Variants in RAF1 observed in about 807,000 individuals in gnomAD.
The protein encoded by RAF1 is RAF proto-oncogene serine/threonine-protein kinase.
RAF1 carries 27 observed loss-of-function variants against 81.1 expected under a neutral mutation model. The ratio of observed to expected loss-of-function variants is 0.33; its 90% CI spans 0.25 to 0.46. The LOEUF is 0.46. RAF1 is among the 20% of genes least tolerant of loss of function. The pLI, the probability that RAF1 is intolerant of heterozygous loss-of-function variation, is 1.00. For synonymous variants in RAF1, 298 were observed against 294.0 expected (o/e 1.01, Z -0.14); for missense variants, 598 against 826.0 (o/e 0.72, Z 3.38).
chr3:12,617,692 C>T (rs1035824997), intron 2 of RAF1, among the ~76,000 whole-genome samples: 1 of 151,852 alleles, frequency 6.6e-6, no homozygotes, highest in Admixed American at 6.6e-5. Flanking sequence ...TTGAGACCAG[C>T]CTGGTTAACA....
intron 1 of RAF1, among the ~76,000 whole-genome samples, chr3:12,639,246 C>A (rs1416522946): frequency 6.6e-6 from 1 of 152,114 alleles, no homozygotes; most frequent in Non-Finnish European, 1.5e-5. Flanking sequence ...CTATTTATGA[C>A]AAACCCACAG....
chr3:12,601,813 C>T (rs2058871204), intron 8 of RAF1, among the ~76,000 whole-genome samples: 1 of 152,138 alleles, frequency 6.6e-6, no homozygotes, highest in Non-Finnish European at 1.5e-5. Context: ...GATTCTGACT[C>T]TGGAAAGAAG....
chr3:12,588,354 C>A (rs1475942637), intron 13 of RAF1: 1 of 152,156 alleles, frequency 6.6e-6, no homozygotes, highest in African/African-American at 2.4e-5. Context: ...GGCAGGGATA[C>A]CTTCTGAGAA....
Position 12,587,628 on chromosome 3 carries a change from A to G in RAF1, c.1440T>C (p.His480=), listed in dbSNP as rs751813549. Residue 480 remains histidine (H), a synonymous_variant, in exon 14 of 18, where the codon CAT becomes CAC. Coordinates refer to ENST00000442415, the MANE Select transcript of RAF1 (RefSeq NM_001354689.3). ...TGTCTCTATGGATGATGTTCTTTGC[A>G]TGCAAATAGCTGTGAAGGGAAAAGA... 2.5e-6 allele frequency: 4 copies of G among 1,609,628 alleles called. No homozygotes were observed. The highest frequency in any genetic ancestry group is 3.4e-6 in the Non-Finnish European group (4 of 1,175,870).
intron 11 of RAF1, chr3:12,592,177 G>C: frequency 2.9e-6 from 1 of 345,350 alleles, no homozygotes; most frequent in Admixed American, 4.0e-5. Context: ...AGCCACAGAG[G>C]TGAGGTCATG....
chr3:12,589,943 A>G (rs60662154), intron 13 of RAF1: 35,339 of 151,448 alleles, frequency 0.23, 4,359 homozygotes, highest in African/African-American at 0.3. Flanking sequence ...AGCGCCTGCC[A>G]CCACAACCAG....
At chr3:12,662,535 T>C (rs191575103) in intron 1 of RAF1, among the ~76,000 whole-genome samples, 1 of 152,090 alleles carries the variant, frequency 6.6e-6, no homozygotes, top group Admixed American at 6.6e-5. Flanking sequence ...TTCAACTAGT[T>C]CACTATCTAC....
chr3:12,609,060 T>C (rs2125418058), intron 4 of RAF1, 137 bp from the exon 5 acceptor site: 2 of 1,156,810 alleles, frequency 1.7e-6, no homozygotes, highest in Non-Finnish European at 2.5e-6. Context: ...AATCACAAAT[T>C]AGAGTATATC....
chr3:12,640,338 C>G (rs940049854), intron 1 of RAF1, among the ~76,000 whole-genome samples: 5 of 152,164 alleles, frequency 3.3e-5, no homozygotes, highest in Admixed American at 6.5e-5. Context: ...ACACCGAAAG[C>G]AAGGGCAACA....
chr3:12,632,284 G>A (rs1371282179), intron 1 of RAF1, among the ~76,000 whole-genome samples: 6 of 140,448 alleles, frequency 4.3e-5, no homozygotes, highest in African/African-American at 5.4e-5. Context: ...AGATTGCACC[G>A]TTGCACTCCA....
chr3:12,609,153 T>A (rs2059131528), intron 4 of RAF1, 80 bp downstream of exon 4: 2 of 1,099,136 alleles, frequency 1.8e-6, no homozygotes, highest in Non-Finnish European at 2.8e-6. Context: ...TATATATACA[T>A]ACGCATATTA....
chr3:12,613,006 T>C (rs2059263542), intron 2 of RAF1, among the ~76,000 whole-genome samples: 1 of 152,148 alleles, frequency 6.6e-6, no homozygotes, highest in African/African-American at 2.4e-5. Context: ...AAGTGGAAGA[T>C]ATAGAACTCC....
chr3:12,646,531 C>T (rs987249338), intron 1 of RAF1, among the ~76,000 whole-genome samples: 7 of 151,060 alleles, frequency 4.6e-5, no homozygotes, highest in South Asian at 2.1e-4. Context: ...GCACCACCAA[C>T]GCCCTGCTAA....
At chr3:12,599,869 G>A in intron 10 of RAF1, 61 bp from the exon 10 acceptor site, 1 of 1,307,940 alleles carries the variant, frequency 7.6e-7, no homozygotes, top group South Asian at 1.2e-5. Context: ...TTGATAATGA[G>A]GGCATCAAAG....
At chr3:12,642,636 T>C (rs1234982127) in intron 1 of RAF1, among the ~76,000 whole-genome samples, 1 of 150,848 alleles carries the variant, frequency 6.6e-6, no homozygotes, top group East Asian at 1.9e-4. Flanking sequence ...TCAAGTTTTA[T>C]AGACAGTCCA....
chr3:12,641,671 T>G (rs1055082962), intron 1 of RAF1, among the ~76,000 whole-genome samples: 12 of 151,968 alleles, frequency 7.9e-5, no homozygotes, highest in Admixed American at 5.9e-4. Context: ...TTTGCTTTTT[T>G]CATAGAGACA....
intron 1 of RAF1, among the ~76,000 whole-genome samples, chr3:12,635,159 C>G (rs946686064): frequency 5.3e-5 from 8 of 151,538 alleles, no homozygotes; most frequent in Admixed American, 4.0e-4. Flanking sequence ...AATCCTGTCT[C>G]TGTTAAAAAT....
chr3:12,658,848 G>A (rs900850886), intron 1 of RAF1, among the ~76,000 whole-genome samples: 2 of 152,166 alleles, frequency 1.3e-5, no homozygotes, highest in African/African-American at 4.8e-5. Context: ...AACATACTTT[G>A]TGAGTAATTT....
At chr3:12,620,557 A>AT (rs766298772) in intron 1 of RAF1, among the ~76,000 whole-genome samples, 1 of 152,044 alleles carries the variant, frequency 6.6e-6, no homozygotes, top group Non-Finnish European at 1.5e-5. Context: ...TGCAGCTTCA[A>AT]TTTTCCAGGC....
Sources: gnomAD v4.1 joint callset for allele counts (sites outside exome capture counted in the v4.1 genomes callset) on GRCh38, gnomAD v4.1.1 for gene constraint, MANE v1.5 for transcripts, NCBI Gene and HGNC (gene_info 2026-07-23, HGNC 2026-07-21) for gene names.